The following KLF12 variants were observed in gnomAD, a reference collection of about 807,000 sequenced individuals.
KLF12 encodes KLF transcription factor 12.
KLF12 carries 9 observed loss-of-function variants against 37.8 expected under a neutral mutation model. The observed-to-expected ratio is 0.24, with a 90% CI of 0.14 to 0.42. The LOEUF (loss-of-function observed/expected upper bound fraction) is 0.42. Ranked by LOEUF, KLF12 falls within the 10% of genes least tolerant of loss-of-function variation. The pLI is 1.00. For missense variants in KLF12, 411 were observed against 516.0 expected, an observed-to-expected ratio of 0.80 and a Z score of 1.97; for synonymous variants, 208 against 202.1, an observed-to-expected ratio of 1.03 and a Z score of -0.25.
At chr13:73,754,895 C>T (rs1185391823) in intron 6 of KLF12, among the ~76,000 whole-genome samples, 1 of 152,142 alleles carries the variant, frequency 6.6e-6, no homozygotes, top group Admixed American at 6.5e-5. Flanking sequence ...CAACTTTTAC[C>T]TCTAGGTGGC....
chr13:74,116,824 G>A (rs936051629), intron 1 of KLF12, among the ~76,000 whole-genome samples: 1 of 151,966 alleles, frequency 6.6e-6, no homozygotes. Context: ...AATAATGCTG[G>A]CAATATAATG....
chr13:73,946,338 A>G (rs1052472279), intron 2 of KLF12, among the ~76,000 whole-genome samples: 7 of 152,216 alleles, frequency 4.6e-5, no homozygotes, highest in African/African-American at 1.7e-4. Flanking sequence ...ACCAATTTAC[A>G]GCTGATATAC....
At chr13:74,087,938 C>T (rs1875410911) in intron 1 of KLF12, among the ~76,000 whole-genome samples, 2 of 152,066 alleles carry the variant, frequency 1.3e-5, no homozygotes, top group African/African-American at 4.8e-5. Flanking sequence ...CACTCAAGTG[C>T]ATTCTTAACA....
At chr13:74,267,066 G>A in the KLF12 span, among the ~76,000 whole-genome samples, 4 of 152,090 alleles carry the variant, frequency 2.6e-5, no homozygotes, top group South Asian at 2.1e-4. Flanking sequence ...CAGCCTCCCC[G>A]CCCATTCTCC....
intron 5 of KLF12, chr13:73,802,311 T>C (rs1046434645): frequency 4.6e-5 from 7 of 152,140 alleles, no homozygotes; most frequent in African/African-American, 1.7e-4. Context: ...AAGTACTTAA[T>C]GGCTGCTAGA....
chr13:74,052,253 T>C (rs547986158), intron 1 of KLF12, among the ~76,000 whole-genome samples: 1 of 152,254 alleles, frequency 6.6e-6, no homozygotes. Flanking sequence ...GTGCCCATCA[T>C]TTGGCATCAG....
intron 4 of KLF12, among the ~76,000 whole-genome samples, chr13:73,823,314 C>A (rs1448628701): frequency 6.6e-6 from 1 of 151,144 alleles, no homozygotes; most frequent in Non-Finnish European, 1.5e-5. Flanking sequence ...GAACTTAAGT[C>A]TGCTTTTATA....
intron 5 of KLF12, among the ~76,000 whole-genome samples, chr13:73,772,650 A>C (rs1880345724): frequency 6.6e-6 from 1 of 152,196 alleles, no homozygotes; most frequent in Admixed American, 6.5e-5. Flanking sequence ...AGGAGATTAC[A>C]GGTGTCGTGT....
At position 74,030,516 on chromosome 13, in the gene KLF12, T is replaced by C. The variant is rs368491098; in HGVS notation, c.-31-35463A>G. Among the ~76,000 whole-genome samples, 8 of 152,238 alleles carry C rather than the reference T, an allele frequency of 5.3e-5. No homozygotes were observed. In the East Asian group the frequency reaches 1.5e-3, roughly 29 times the overall value. On this transcript the variant is annotated intron_variant, in intron 1 of 7. Coordinates refer to ENST00000377669, the MANE Select transcript of KLF12 (RefSeq NM_007249.5). ...TTAATTAAATTTCTAAATACCTAGA[T>C]GAAGATGTCTGAACACCTCTACTGT...
At chr13:74,264,379 A>C in the KLF12 span, among the ~76,000 whole-genome samples, 1 of 152,234 alleles carries the variant, frequency 6.6e-6, no homozygotes, top group Non-Finnish European at 1.5e-5. Flanking sequence ...AGGTATCCAA[A>C]AAATAAATAA....
At chr13:74,226,337 G>T in the KLF12 span, among the ~76,000 whole-genome samples, 1 of 152,106 alleles carries the variant, frequency 6.6e-6, no homozygotes, top group East Asian at 1.9e-4. Flanking sequence ...GGATGAAAAA[G>T]AAATAGAAGG....
intron 3 of KLF12, among the ~76,000 whole-genome samples, chr13:73,887,987 C>T (rs986153654): frequency 2.0e-5 from 3 of 151,858 alleles, no homozygotes; most frequent in South Asian, 2.1e-4. Flanking sequence ...TGTATTTATG[C>T]GTCTGATTAA....
At chr13:74,053,853 C>A (rs987961730) in intron 1 of KLF12, among the ~76,000 whole-genome samples, 2 of 152,078 alleles carry the variant, frequency 1.3e-5, no homozygotes, top group African/African-American at 2.4e-5. Context: ...GGCATGTCTG[C>A]ATTTTAGTCA....
rs995072944 is a variant in KLF12 at position 74,025,566 on chromosome 13, A to G, written c.-31-30513T>C. On this transcript the variant is annotated intron_variant, in intron 1 of 7. Coordinates refer to ENST00000377669, the MANE Select transcript of KLF12 (RefSeq NM_007249.5). ...GACACTTTGGTTTGTTCAGAGTTAA[A>G]AAAAAAAAAAAGAAAATCAGTGAGT... is the stretch of plus-strand genomic sequence containing the variant. Among the ~76,000 whole-genome samples, 221 of 150,594 alleles carry G rather than the reference A, an allele frequency of 1.5e-3. 2 individuals are homozygous for G. The highest frequency in any genetic ancestry group is 5.2e-3 in the African/African-American group (213 of 41,222).
At chr13:74,212,667 A>G in the KLF12 span, among the ~76,000 whole-genome samples, 1 of 152,118 alleles carries the variant, frequency 6.6e-6, no homozygotes, top group Admixed American at 6.6e-5. Flanking sequence ...ACAACCGCAA[A>G]CTTACACTCA....
chr13:73,753,333 C>A (rs955274997), intron 6 of KLF12, among the ~76,000 whole-genome samples: 2 of 152,178 alleles, frequency 1.3e-5, no homozygotes, highest in Admixed American at 6.5e-5. Flanking sequence ...GACCCTCACC[C>A]AGATGGTTCC....
intron 2 of KLF12, among the ~76,000 whole-genome samples, chr13:73,982,604 C>A (rs903563417): frequency 2.0e-5 from 3 of 152,144 alleles, no homozygotes; most frequent in African/African-American, 7.2e-5. Flanking sequence ...TGGGTTATCA[C>A]AAATGTGTAG....
At chr13:74,230,629 G>C in the KLF12 span, among the ~76,000 whole-genome samples, 1 of 152,112 alleles carries the variant, frequency 6.6e-6, no homozygotes, top group Non-Finnish European at 1.5e-5. Flanking sequence ...ATGAAAGTGA[G>C]CAACTATGGA....
chr13:73,909,164 A>C (rs1888455319), intron 3 of KLF12, among the ~76,000 whole-genome samples: 2 of 152,202 alleles, frequency 1.3e-5, no homozygotes, highest in African/African-American at 4.8e-5. Context: ...AGGTGCACCT[A>C]AAAGATCACC....
Sources: gnomAD v4.1 joint callset for allele counts (sites outside exome capture counted in the v4.1 genomes callset) on GRCh38, gnomAD v4.1.1 for gene constraint, MANE v1.5 for transcripts, NCBI Gene and HGNC (gene_info 2026-07-23, HGNC 2026-07-21) for gene names.